Variants in CNTNAP2 observed in about 807,000 individuals in gnomAD.
CNTNAP2 encodes contactin associated protein 2.
Under a neutral mutation model 155.2 loss-of-function variants are expected in CNTNAP2, and 98 were observed. That is an observed-to-expected ratio of 0.63 (90% CI 0.54 to 0.75). CNTNAP2 has a LOEUF of 0.75. Among genes scored for constraint, CNTNAP2 ranks in the 30% least tolerant of loss-of-function variants. CNTNAP2 has a pLI of 0.00. For missense variants in CNTNAP2, 1,727 were observed against 1,688.1 expected (o/e 1.02, Z -0.40); for synonymous variants, 651 against 631.2 (o/e 1.03, Z -0.47).
chr7:147,870,997 C>A (rs1799318104), intron 13 of CNTNAP2, among the ~76,000 whole-genome samples: 1 of 152,108 alleles, frequency 6.6e-6, no homozygotes, highest in East Asian at 1.9e-4. Flanking sequence ...TCCAGCATAG[C>A]CTTACTTTTG....
intron 1 of CNTNAP2, among the ~76,000 whole-genome samples, chr7:146,156,600 C>T (rs147863006): frequency 1.3e-5 from 2 of 150,638 alleles, no homozygotes; most frequent in Admixed American, 6.8e-5. Context: ...AAAGTAATAA[C>T]TGCTTTACAG....
intron 4 of CNTNAP2, chr7:147,083,357 T>C (rs1191030474): frequency 2.6e-5 from 4 of 151,912 alleles, no homozygotes; most frequent in Non-Finnish European, 2.9e-5. Context: ...GTTTGGAATA[T>C]GGGGAACACT....
chr7:148,120,836 T>A (rs940066074), intron 16 of CNTNAP2, among the ~76,000 whole-genome samples: 2 of 152,196 alleles, frequency 1.3e-5, no homozygotes, highest in Middle Eastern at 3.4e-3. Flanking sequence ...CCCCAAAATG[T>A]CACATATTAG....
intron 3 of CNTNAP2, among the ~76,000 whole-genome samples, chr7:146,964,994 C>G (rs187298051): frequency 1.6e-4 from 24 of 152,172 alleles, no homozygotes; most frequent in Non-Finnish European, 2.6e-4. Flanking sequence ...AAAAACAGTG[C>G]TACTCCCCTC....
intron 3 of CNTNAP2, among the ~76,000 whole-genome samples, chr7:146,841,372 G>A (rs1466861166): frequency 1.3e-5 from 2 of 151,254 alleles, no homozygotes; most frequent in African/African-American, 4.9e-5. Flanking sequence ...TAAGGGGGTT[G>A]GGTGGGGGGA....
chr7:146,339,398 T>C (rs761745100), intron 1 of CNTNAP2, among the ~76,000 whole-genome samples: 2 of 152,158 alleles, frequency 1.3e-5, no homozygotes, highest in Admixed American at 6.5e-5. Flanking sequence ...TACCCAGACG[T>C]TGAGGTTTTT....
Position 146,655,338 on chromosome 7 carries a change from C to A in CNTNAP2, c.98-118933C>A, listed in dbSNP as rs1037788339. On this transcript the variant is annotated intron_variant, in intron 1 of 23. Transcript: ENST00000361727. ...CTGAGGCAAGACAATCACTTGAACT[C>A]GGGAGACAGAGGTTGCAGTGAGTCG... 2.2e-5 allele frequency among the ~76,000 whole-genome samples: 3 copies of A among 138,116 alleles called. No homozygotes were observed. The East Asian group carries it at 6.6e-4, about 30-fold the overall frequency. The allele number at this position is 138,116 out of a possible 152,430, so 90.6% of individuals were successfully genotyped here.
chr7:148,075,718 G>A (rs1803471703), intron 15 of CNTNAP2, among the ~76,000 whole-genome samples: 1 of 152,198 alleles, frequency 6.6e-6, no homozygotes, highest in Non-Finnish European at 1.5e-5. Context: ...GACAGGGAAA[G>A]TCTTATATTT....
intron 20 of CNTNAP2, among the ~76,000 whole-genome samples, chr7:148,264,729 G>A (rs1256089367): frequency 6.6e-6 from 1 of 151,878 alleles, no homozygotes. Context: ...ATGGAATCTT[G>A]CTGTCACCAG....
chr7:146,489,894 T>C (rs908940182), intron 1 of CNTNAP2, among the ~76,000 whole-genome samples: 1 of 151,902 alleles, frequency 6.6e-6, no homozygotes, highest in African/African-American at 2.4e-5. Context: ...GGTTTGAGTA[T>C]GCAAAAAAGG....
intron 9 of CNTNAP2, among the ~76,000 whole-genome samples, chr7:147,320,721 C>T (rs1228219107): frequency 1.3e-5 from 2 of 152,166 alleles, no homozygotes; most frequent in African/African-American, 4.8e-5. Context: ...ATTTTAAAAT[C>T]TTGCTAGGCA....
At chr7:147,221,814 C>A (rs1803407635) in intron 8 of CNTNAP2, among the ~76,000 whole-genome samples, 4 of 152,264 alleles carry the variant, frequency 2.6e-5, no homozygotes, top group South Asian at 4.1e-4. Flanking sequence ...CAGACAAAGT[C>A]TCCATGTCTC....
At chr7:147,688,401 T>G (rs761733229) in intron 13 of CNTNAP2, among the ~76,000 whole-genome samples, 1 of 152,170 alleles carries the variant, frequency 6.6e-6, no homozygotes, top group Non-Finnish European at 1.5e-5. Context: ...CAAGCATGCA[T>G]GCTAACTTCA....
At chr7:147,298,477 TAAAA>T in intron 8 of CNTNAP2, among the ~76,000 whole-genome samples, 1 of 151,918 alleles carries the variant, frequency 6.6e-6, no homozygotes, top group South Asian at 2.1e-4. Flanking sequence ...TTGAAAATCC[TAAAA>T]AAAACCCACA....
chr7:148,368,593 C>T (rs745638062), intron 21 of CNTNAP2, among the ~76,000 whole-genome samples: 1 of 152,112 alleles, frequency 6.6e-6, no homozygotes, highest in African/African-American at 2.4e-5. Flanking sequence ...TGTAGCAGGA[C>T]GAATTGCAGA....
At chr7:148,346,643 G>A (rs895190483) in intron 21 of CNTNAP2, among the ~76,000 whole-genome samples, 1 of 151,722 alleles carries the variant, frequency 6.6e-6, no homozygotes, top group African/African-American at 2.4e-5. Flanking sequence ...GTGGTGGCAG[G>A]CACCTATAAT....
intron 8 of CNTNAP2, among the ~76,000 whole-genome samples, chr7:147,247,741 C>G (rs1015253154): frequency 6.6e-6 from 1 of 151,996 alleles, no homozygotes; most frequent in East Asian, 1.9e-4. Flanking sequence ...CTAATAATAT[C>G]AAAGGAATAG....
Position 147,903,660 on chromosome 7 carries a change from A to C in CNTNAP2, c.2194A>C (p.Ile732Leu). The C allele has an allele frequency of 6.2e-7, 1 of 1,614,092 alleles. No homozygotes were observed. Among genetic ancestry groups the C allele is most frequent in the Non-Finnish European group, 8.5e-7 (1 of 1,179,992 alleles). Residue 732 changes from isoleucine to leucine, a missense_variant, in exon 14 of 24, where the codon ATC becomes CTC. Ile to Leu is a conservative substitution (Grantham distance 5). Coordinates refer to ENST00000361727, the MANE Select transcript of CNTNAP2 (RefSeq NM_014141.6). ...TGGAATCCAGAAATGTGCCTGCGGC[A>C]TCGAACGCAACTGCACAGATCCCAA... ...GPGIQKCACG[I>L]ERNCTDPKYY...
chr7:147,178,784 C>A (rs1802399608), intron 8 of CNTNAP2, among the ~76,000 whole-genome samples: 1 of 152,072 alleles, frequency 6.6e-6, no homozygotes, highest in Admixed American at 6.6e-5. Flanking sequence ...TTTTTAATTT[C>A]TTGATGTAGG....
Sources: gnomAD v4.1 joint callset for allele counts (sites outside exome capture counted in the v4.1 genomes callset) on GRCh38, gnomAD v4.1.1 for gene constraint, MANE v1.5 for transcripts, NCBI Gene and HGNC (gene_info 2026-07-23, HGNC 2026-07-21) for gene names.